MEF2A: variants seen among roughly 807,000 people sequenced by gnomAD.
The protein encoded by MEF2A is myocyte enhancer factor 2A.
A neutral mutation model predicts 55.8 loss-of-function variants in MEF2A; 28 were observed. The ratio of observed to expected loss-of-function variants is 0.50; its 90% CI spans 0.37 to 0.69. The LOEUF (loss-of-function observed/expected upper bound fraction) is 0.69. Ranked by LOEUF, MEF2A falls within the 30% of genes least tolerant of loss-of-function variation. The pLI, the probability that MEF2A is intolerant of heterozygous loss-of-function variation, is 0.00. For missense variants in MEF2A, 528 were observed against 626.2 expected (o/e 0.84, Z 1.67); for synonymous variants, 239 against 227.1 (o/e 1.05, Z -0.47).
chr15:99,582,178 A>G (rs1240203472), intron 1 of MEF2A, among the ~76,000 whole-genome samples: 5 of 142,426 alleles, frequency 3.5e-5, no homozygotes, highest in Admixed American at 1.4e-4. Flanking sequence ...GTCCTTTCTT[A>G]TTATTAACAT....
At chr15:99,658,685 A>G (rs912035095) in intron 4 of MEF2A, among the ~76,000 whole-genome samples, 5 of 152,212 alleles carry the variant, frequency 3.3e-5, no homozygotes, top group Non-Finnish European at 7.3e-5. Context: ...TAAAGAAACT[A>G]TCCTCAAAAG....
At chr15:99,710,504 A>C (rs2058520846) in intron 10 of MEF2A, 130 bp from the exon 11 acceptor site, 1 of 1,185,106 alleles carries the variant, frequency 8.4e-7, no homozygotes, top group African/African-American at 1.5e-5. Context: ...TGGCCTCCCA[A>C]AGTGCTGGGA....
At chr15:99,602,649 C>T (rs1973495363) in intron 2 of MEF2A, among the ~76,000 whole-genome samples, 1 of 107,038 alleles carries the variant, frequency 9.3e-6, no homozygotes, top group Non-Finnish European at 1.9e-5. Flanking sequence ...CCTGACATTC[C>T]TGGGGTGTGT....
rs531671411 is a variant in MEF2A, at chr15:99,626,775, C to T, written c.-142-6203C>T. 2.6e-5 allele frequency among the ~76,000 whole-genome samples: 4 copies of T among 152,194 alleles called. No individual in the cohort carries two copies. In the South Asian group the frequency reaches 8.3e-4, roughly 32 times the overall value. ...TAAAGTTGAAATTTCTGAAATTCTGCAAATATAGATTTGCTTATTATTTTC... is the reference window on the plus strand; with the variant it reads ...TAAAGTTGAAATTTCTGAAATTCTGTAAATATAGATTTGCTTATTATTTTC... On this transcript the variant is annotated intron_variant, in intron 2 of 11. Coordinates refer to ENST00000557942, the MANE Select transcript of MEF2A (RefSeq NM_001319206.4).
chr15:99,574,174 G>A (rs1358746438), intron 1 of MEF2A, among the ~76,000 whole-genome samples: 7 of 152,058 alleles, frequency 4.6e-5, no homozygotes, highest in Admixed American at 1.3e-4. Flanking sequence ...TTGCTTTGTC[G>A]TTCTTGCTCT....
At chr15:99,665,731 C>CAAAAAAAAAAA (rs752473261) in intron 4 of MEF2A, among the ~76,000 whole-genome samples, 53 of 20,198 alleles carry the variant, frequency 2.6e-3, no homozygotes, top group Non-Finnish European at 3.4e-3. Context: ...CTTAAATTTA[C>CAAAAAAAAAAA]AAAAAAAAAA....
chr15:99,567,626 A>AATGTGTGTGTGTGTGTGTGT (rs1567124507), intron 1 of MEF2A, among the ~76,000 whole-genome samples: 12 of 122,014 alleles, frequency 9.8e-5, no homozygotes, highest in African/African-American at 3.9e-4. Flanking sequence ...TTTTGTATGT[A>AATGTGTGTGTGTGTGTGTGT]CTGTGTGTGT....
intron 4 of MEF2A, among the ~76,000 whole-genome samples, chr15:99,652,048 G>C (rs1035365438): frequency 1.3e-5 from 2 of 152,104 alleles, no homozygotes; most frequent in Admixed American, 1.3e-4. Context: ...TTTTTCTCCA[G>C]AAGATATTTG....
At chr15:99,700,499 G>A (rs1163679372) in intron 8 of MEF2A, among the ~76,000 whole-genome samples, 6 of 151,646 alleles carry the variant, frequency 4.0e-5, no homozygotes, top group Non-Finnish European at 5.9e-5. Flanking sequence ...CTGACACAGC[G>A]AGACCCTGTC....
At chr15:99,620,861 T>TG (rs1258137077) in intron 2 of MEF2A, 2 of 150,188 alleles carry the variant, frequency 1.3e-5, no homozygotes, top group Non-Finnish European at 3.0e-5. Context: ...TTTTTTTTTT[T>TG]GGGACATTGA....
At chr15:99,610,822 A>T (rs966578360) in intron 2 of MEF2A, among the ~76,000 whole-genome samples, 2 of 152,272 alleles carry the variant, frequency 1.3e-5, no homozygotes, top group African/African-American at 4.8e-5. Context: ...ATATAGGCTA[A>T]GTCTTCATGA....
At chr15:99,617,561 T>C (rs1180861882) in intron 2 of MEF2A, among the ~76,000 whole-genome samples, 1 of 152,212 alleles carries the variant, frequency 6.6e-6, no homozygotes, top group African/African-American at 2.4e-5. Flanking sequence ...TCAGCATGTA[T>C]GTATCAGGAT....
At chr15:99,577,766 T>C (rs979962590) in intron 1 of MEF2A, among the ~76,000 whole-genome samples, 2 of 152,252 alleles carry the variant, frequency 1.3e-5, no homozygotes, top group Non-Finnish European at 2.9e-5. Flanking sequence ...ATCTGTGATA[T>C]TAACTCATTT....
intron 2 of MEF2A, among the ~76,000 whole-genome samples, chr15:99,599,868 AT>A (rs1217653405): frequency 3.3e-5 from 5 of 152,150 alleles, no homozygotes; most frequent in Admixed American, 6.5e-5. Flanking sequence ...ACAATAAAAA[AT>A]AATACACCAA....
intron 2 of MEF2A, among the ~76,000 whole-genome samples, chr15:99,610,467 C>G (rs765668802): frequency 8.2e-6 from 1 of 122,496 alleles, no homozygotes; most frequent in South Asian, 2.8e-4. Context: ...AAAACTCATA[C>G]GGAAATTGAA....
intron 1 of MEF2A, among the ~76,000 whole-genome samples, chr15:99,582,501 C>A (rs1966225068): frequency 6.6e-6 from 1 of 151,978 alleles, no homozygotes; most frequent in Non-Finnish European, 1.5e-5. Context: ...TGACCTTATA[C>A]TAAGGTAATA....
At chr15:99,623,887 A>G (rs1163854853) in intron 2 of MEF2A, among the ~76,000 whole-genome samples, 1 of 151,280 alleles carries the variant, frequency 6.6e-6, no homozygotes, top group African/African-American at 2.4e-5. Flanking sequence ...GGCTCACTGC[A>G]ATCTCCGCTT....
At chr15:99,569,368 A>G (rs1372675501) in intron 1 of MEF2A, among the ~76,000 whole-genome samples, 1 of 152,222 alleles carries the variant, frequency 6.6e-6, no homozygotes, top group Non-Finnish European at 1.5e-5. Context: ...CCCAGTACCC[A>G]TACGTTTAGT....
chr15:99,674,046 A>G lies in MEF2A; in HGVS notation c.391-347A>G, dbSNP rs188435378. Among the ~76,000 whole-genome samples the G allele has an allele frequency of 1.5e-3, 227 of 152,316 alleles. 1 individual carries two copies. Among genetic ancestry groups the G allele is most frequent in the African/African-American group, 5.1e-3 (211 of 41,580 alleles). ...AAGGTTTACATTGAAGTGCCAATTT[A>G]TGCTTACTTGGTGACAGTGATATAT... On this transcript the variant is annotated intron_variant, in intron 5 of 11. Transcript: ENST00000557942.
Sources: allele counts gnomAD v4.1 joint callset (sites outside exome capture counted in the v4.1 genomes callset), GRCh38; gene constraint gnomAD v4.1.1; transcripts MANE v1.5; gene names NCBI Gene and HGNC (gene_info 2026-07-23, HGNC 2026-07-21).